Variants in NUP88 observed in about 807,000 individuals in gnomAD.
NUP88 encodes the protein nucleoporin 88, also known as nuclear pore complex protein Nup88.
A neutral mutation model predicts 93.9 loss-of-function variants in NUP88; 57 were observed. That is an observed-to-expected ratio of 0.61 (90% CI 0.49 to 0.76). The LOEUF is 0.76. NUP88 is among the 30% of genes least tolerant of loss of function. The pLI, the probability that NUP88 is intolerant of heterozygous loss-of-function variation, is 0.00. For synonymous variants in NUP88, 346 were observed against 336.8 expected, an observed-to-expected ratio of 1.03 and a Z score of -0.30; for missense variants, 911 against 901.0, an observed-to-expected ratio of 1.01 and a Z score of -0.14.
intron 9 of NUP88, 75 bp from the exon 10 acceptor site, chr17:5,391,737 C>T (rs981649494): frequency 4.6e-5 from 57 of 1,246,124 alleles, no homozygotes; most frequent in Middle Eastern, 4.3e-4. Context: ...ATGACAGGTC[C>T]GCGGCCTTCT....
intron 3 of NUP88, among the ~76,000 whole-genome samples, chr17:5,413,648 A>G (rs1913971896): frequency 6.6e-6 from 1 of 152,372 alleles, no homozygotes; most frequent in Non-Finnish European, 1.5e-5. Flanking sequence ...AAGATCTCAA[A>G]GATAACAGAA....
At chr17:5,411,262 T>A (rs1913824843) in intron 3 of NUP88, among the ~76,000 whole-genome samples, 1 of 152,062 alleles carries the variant, frequency 6.6e-6, no homozygotes, top group Admixed American at 6.6e-5. Context: ...TATGTGTTTG[T>A]TATATAAAAA....
At chr17:5,387,311 C>T (rs1912068505) in intron 14 of NUP88, 75 bp downstream of exon 14, 6 of 1,361,830 alleles carry the variant, frequency 4.4e-6, no homozygotes, top group Admixed American at 3.4e-5. Context: ...TATGTAAGCA[C>T]CTGCCAATGC....
chr17:5,401,538 T>A (rs1375201779), intron 7 of NUP88, among the ~76,000 whole-genome samples: 2 of 152,260 alleles, frequency 1.3e-5, no homozygotes, highest in African/African-American at 4.8e-5. Flanking sequence ...AGTGACTTTA[T>A]CATAAATTAA....
In NUP88 at chr17:5,384,962, G is replaced by A; in HGVS notation, c.*1244C>T. The A allele has an allele frequency of 8.8e-6, 2 of 227,620 alleles. No individual in the cohort carries two copies. The highest frequency in any genetic ancestry group is 1.7e-5 in the Non-Finnish European group (2 of 114,660). The allele number at this position is 227,620 out of a possible 1,614,324, so 14.1% of individuals were successfully genotyped here. ...TATTAAAATTAGTGCTGTAAATCAG[G>A]GTGGGCAATTCACAGCCTTTCTGAA... On this transcript the variant is annotated 3_prime_UTR_variant, in exon 17 of 17. Coordinates refer to ENST00000573584, the MANE Select transcript of NUP88 (RefSeq NM_002532.6).
At chr17:5,387,254 A>G (rs1332352825) in intron 14 of NUP88, 132 bp downstream of exon 14, 3 of 1,244,544 alleles carry the variant, frequency 2.4e-6, no homozygotes, top group Admixed American at 1.9e-5. Flanking sequence ...GTTTTCCCCA[A>G]CATATACTTC....
intron 5 of NUP88, 84 bp downstream of exon 5, chr17:5,408,649 C>T (rs1189815998): frequency 9.6e-7 from 1 of 1,044,606 alleles, no homozygotes; most frequent in Non-Finnish European, 1.4e-6. Context: ...GACTCAAAAA[C>T]ATGGCTCCCA....
At chr17:5,392,287 C>T (rs894093878) in intron 9 of NUP88, among the ~76,000 whole-genome samples, 2 of 152,216 alleles carry the variant, frequency 1.3e-5, no homozygotes, top group Non-Finnish European at 2.9e-5. Flanking sequence ...TCAACTGTGT[C>T]GTTTCAAAAT....
intron 7 of NUP88, among the ~76,000 whole-genome samples, chr17:5,402,693 C>A (rs981385377): frequency 1.3e-5 from 2 of 152,108 alleles, no homozygotes; most frequent in East Asian, 3.9e-4. Context: ...GTGAATGACA[C>A]GATTTCATTC....
chr17:5,406,426 A>G (rs1429532018), intron 5 of NUP88, among the ~76,000 whole-genome samples: 1 of 152,242 alleles, frequency 6.6e-6, no homozygotes, highest in Non-Finnish European at 1.5e-5. Context: ...TGAAGTACAC[A>G]GTCTTGTGTG....
intron 4 of NUP88, among the ~76,000 whole-genome samples, chr17:5,410,283 T>C (rs968332049): frequency 6.6e-6 from 1 of 152,220 alleles, no homozygotes; most frequent in Non-Finnish European, 1.5e-5. Flanking sequence ...CATAAAACCA[T>C]GCTGTTTTTA....
intron 8 of NUP88, among the ~76,000 whole-genome samples, chr17:5,396,638 G>C (rs1164218194): frequency 6.6e-6 from 1 of 152,086 alleles, no homozygotes; most frequent in Non-Finnish European, 1.5e-5. Context: ...CATTTCTCTT[G>C]GAAATATACT....
intron 8 of NUP88, among the ~76,000 whole-genome samples, chr17:5,395,823 C>T (rs1014656964): frequency 1.3e-5 from 2 of 152,130 alleles, no homozygotes; most frequent in Non-Finnish European, 2.9e-5. Flanking sequence ...TGGCCTGTAA[C>T]AGCTTTTTGA....
rs1567562406 is a variant in NUP88 at position 5,386,285 on chromosome 17, G to A, written c.2163-16C>T. Reference sequence around the variant, plus strand: ...ATGTTCACCCCTGTAAAATTGTAAAGTCACTCACTTTTGGAATTATAATAA... The same window carrying A: ...ATGTTCACCCCTGTAAAATTGTAAAATCACTCACTTTTGGAATTATAATAA... On this transcript the variant is annotated splice_polypyrimidine_tract_variant and intron_variant, in intron 16 of 16. Transcript: ENST00000573584. 6.3e-7 allele frequency: 1 copy of A among 1,582,872 alleles called. No homozygotes were observed. Among genetic ancestry groups the A allele is most frequent in the East Asian group, 2.2e-5 (1 of 44,608 alleles).
intron 2 of NUP88, among the ~76,000 whole-genome samples, chr17:5,416,158 A>ATTATATATAT (rs1398677145): frequency 3.2e-5 from 3 of 94,038 alleles, no homozygotes; most frequent in South Asian, 4.5e-4. Flanking sequence ...AAAAAAAAAA[A>ATTATATATAT]AAAAAAAAGT....
chr17:5,401,952 T>G (rs1318244503), intron 7 of NUP88, among the ~76,000 whole-genome samples: 1 of 152,246 alleles, frequency 6.6e-6, no homozygotes, highest in Non-Finnish European at 1.5e-5. Context: ...ATAATATGCC[T>G]TGTTCAGCAC....
intron 7 of NUP88, among the ~76,000 whole-genome samples, chr17:5,402,610 G>C (rs546381673): frequency 6.6e-6 from 1 of 152,296 alleles, no homozygotes; most frequent in East Asian, 1.9e-4. Flanking sequence ...ACCAGAACTA[G>C]GCAAACTGGC....
chr17:5,399,127 G>A (rs1291699577), intron 8 of NUP88, among the ~76,000 whole-genome samples: 3 of 146,376 alleles, frequency 2.0e-5, no homozygotes, highest in Non-Finnish European at 4.5e-5. Context: ...TCCTGATTTT[G>A]TGATCCACCC....
intron 5 of NUP88, among the ~76,000 whole-genome samples, chr17:5,407,665 T>C (rs1388447198): frequency 2.6e-5 from 4 of 152,232 alleles, no homozygotes; most frequent in Admixed American, 6.5e-5. Flanking sequence ...CATGGAATAT[T>C]TCCATTTTAT....
Sources: gnomAD v4.1 joint callset for allele counts (sites outside exome capture counted in the v4.1 genomes callset) on GRCh38, gnomAD v4.1.1 for gene constraint, MANE v1.5 for transcripts, NCBI Gene and HGNC (gene_info 2026-07-23, HGNC 2026-07-21) for gene names.